Variants in ZNF804B observed in about 807,000 individuals in gnomAD.
ZNF804B encodes the protein zinc finger protein 804B.
In ZNF804B, 80 loss-of-function variants were observed where a neutral mutation model predicts 101.4. The ratio of observed to expected loss-of-function variants is 0.79; its 90% CI spans 0.66 to 0.95. The LOEUF (loss-of-function observed/expected upper bound fraction) is 0.95. ZNF804B is among the 40% of genes least tolerant of loss of function. ZNF804B has a pLI of 0.00. For missense variants in ZNF804B, 1,673 were observed against 1,561.9 expected (o/e 1.07, Z -1.20); for synonymous variants, 622 against 558.8 (o/e 1.11, Z -1.59).
intron 1 of ZNF804B, among the ~76,000 whole-genome samples, chr7:89,084,472 C>T (rs2116316647): frequency 6.6e-6 from 1 of 152,002 alleles, no homozygotes; most frequent in Non-Finnish European, 1.5e-5. Flanking sequence ...TCAGATTTTT[C>T]AGGTATTGGC....
chr7:89,201,326 A>G (rs1315306180), intron 1 of ZNF804B, among the ~76,000 whole-genome samples: 1 of 152,084 alleles, frequency 6.6e-6, no homozygotes. Context: ...AAGATTCTAT[A>G]GAAATCAATT....
At chr7:89,332,257 A>T (rs1413668934) in intron 3 of ZNF804B, among the ~76,000 whole-genome samples, 1 of 151,768 alleles carries the variant, frequency 6.6e-6, no homozygotes, top group Admixed American at 6.6e-5. Context: ...TTTGCCAAAG[A>T]ATGGTAAAAG....
intron 1 of ZNF804B, among the ~76,000 whole-genome samples, chr7:88,790,425 C>T (rs1790364219): frequency 6.6e-6 from 1 of 151,996 alleles, no homozygotes; most frequent in Admixed American, 6.6e-5. Context: ...CTCTCCCTCC[C>T]CTTGCACCCC....
chr7:89,196,721 A>G (rs565981161), intron 1 of ZNF804B, among the ~76,000 whole-genome samples: 121 of 152,248 alleles, frequency 7.9e-4, no homozygotes, highest in African/African-American at 2.2e-3. Context: ...TTTGCAATCT[A>G]TCCATCCAAA....
At chr7:89,219,007 C>A (rs1788939735) in intron 2 of ZNF804B, among the ~76,000 whole-genome samples, 1 of 151,924 alleles carries the variant, frequency 6.6e-6, no homozygotes, top group Admixed American at 6.6e-5. Flanking sequence ...GTAGGGAAAC[C>A]AGGACCCAGG....
At chr7:89,214,413 T>C (rs1282427824) in intron 1 of ZNF804B, among the ~76,000 whole-genome samples, 1 of 152,176 alleles carries the variant, frequency 6.6e-6, no homozygotes, top group South Asian at 2.1e-4. Flanking sequence ...AATTCTTTCT[T>C]TATTTTAAAA....
chr7:89,112,925 T>C (rs1386065322), intron 1 of ZNF804B, among the ~76,000 whole-genome samples: 2 of 152,194 alleles, frequency 1.3e-5, no homozygotes, highest in Non-Finnish European at 2.9e-5. Flanking sequence ...GGCAACCAGA[T>C]AGATATAATC....
chr7:89,132,155 A>AAC (rs1232331561), intron 1 of ZNF804B, among the ~76,000 whole-genome samples: 3 of 110,346 alleles, frequency 2.7e-5, no homozygotes, highest in African/African-American at 1.2e-4. Flanking sequence ...CAGGAATGAG[A>AAC]ACACACGCAC....
At chr7:88,985,599 T>C (rs1048884685) in intron 1 of ZNF804B, among the ~76,000 whole-genome samples, 8 of 152,074 alleles carry the variant, frequency 5.3e-5, no homozygotes, top group Non-Finnish European at 1.2e-4. Flanking sequence ...TAGTTACCCT[T>C]TTATCTTTGG....
At chr7:88,833,859 C>T (rs1791168605) in intron 1 of ZNF804B, among the ~76,000 whole-genome samples, 2 of 151,760 alleles carry the variant, frequency 1.3e-5, no homozygotes, top group Admixed American at 6.6e-5. Context: ...ATTTATGTAA[C>T]TTAGTGCATT....
intron 2 of ZNF804B, among the ~76,000 whole-genome samples, chr7:89,306,468 A>G (rs1047142336): frequency 1.3e-5 from 2 of 149,292 alleles, no homozygotes; most frequent in African/African-American, 2.4e-5. Flanking sequence ...AGTTGCTTAA[A>G]ACATTGTCAT....
At chr7:89,127,460 A>G (rs954733771) in intron 1 of ZNF804B, among the ~76,000 whole-genome samples, 13 of 152,042 alleles carry the variant, frequency 8.6e-5, no homozygotes, top group African/African-American at 3.1e-4. Context: ...AAGTGCCTCA[A>G]TGATCAGAAT....
intron 1 of ZNF804B, among the ~76,000 whole-genome samples, chr7:89,176,880 G>A (rs1364928956): frequency 1.3e-5 from 2 of 151,858 alleles, no homozygotes; most frequent in Admixed American, 6.6e-5. Flanking sequence ...TTGTATGTAT[G>A]TAGAATTTGG....
intron 1 of ZNF804B, among the ~76,000 whole-genome samples, chr7:88,818,766 G>T (rs1375684830): frequency 6.6e-6 from 1 of 152,142 alleles, no homozygotes; most frequent in East Asian, 1.9e-4. Flanking sequence ...TGTTGCCTCA[G>T]AGCTTTGATA....
At chr7:88,803,473 G>A (rs1426426204) in intron 1 of ZNF804B, among the ~76,000 whole-genome samples, 1 of 152,162 alleles carries the variant, frequency 6.6e-6, no homozygotes, top group African/African-American at 2.4e-5. Flanking sequence ...ATTTGCACCA[G>A]TTGGATACAG....
At chr7:89,012,915 A>C (rs1788486343) in intron 1 of ZNF804B, among the ~76,000 whole-genome samples, 1 of 152,224 alleles carries the variant, frequency 6.6e-6, no homozygotes, top group African/African-American at 2.4e-5. Context: ...TAATTGATTC[A>C]CAGTTCCTTA....
intron 1 of ZNF804B, among the ~76,000 whole-genome samples, chr7:88,832,744 T>G (rs1359714246): frequency 6.6e-6 from 1 of 151,980 alleles, no homozygotes; most frequent in Non-Finnish European, 1.5e-5. Flanking sequence ...CATTGCTGTT[T>G]GAAATTTCCC....
At chr7:88,864,383 TA>T (rs1373933323) in intron 1 of ZNF804B, among the ~76,000 whole-genome samples, 3 of 152,144 alleles carry the variant, frequency 2.0e-5, no homozygotes, top group Admixed American at 2.0e-4. Context: ...TTAGGTACCT[TA>T]AATGGTAATG....
intron 1 of ZNF804B, among the ~76,000 whole-genome samples, chr7:88,909,061 T>C (rs546816600): frequency 6.6e-6 from 1 of 151,868 alleles, no homozygotes; most frequent in African/African-American, 2.4e-5. Context: ...TCAATCTTTA[T>C]TTTTAAGAAA....
Sources: allele counts gnomAD v4.1 joint callset (sites outside exome capture counted in the v4.1 genomes callset), GRCh38; gene constraint gnomAD v4.1.1; transcripts MANE v1.5; gene names NCBI Gene and HGNC (gene_info 2026-07-23, HGNC 2026-07-21).